GSK3B: variants seen among roughly 807,000 people sequenced by gnomAD.
The protein encoded by GSK3B is glycogen synthase kinase 3 beta.
A neutral mutation model predicts 56.4 loss-of-function variants in GSK3B; 15 were observed. That is an observed-to-expected ratio of 0.27 (90% CI 0.18 to 0.41). GSK3B has a LOEUF of 0.41. GSK3B is among the 10% of genes least tolerant of loss of function. GSK3B has a pLI of 1.00. For synonymous variants in GSK3B, 181 were observed against 188.9 expected (o/e 0.96, Z 0.34); for missense variants, 300 against 513.4 (o/e 0.58, Z 4.02).
intron 1 of GSK3B, among the ~76,000 whole-genome samples, chr3:120,044,317 G>A (rs2058086124): frequency 6.6e-6 from 1 of 152,120 alleles, no homozygotes; most frequent in Non-Finnish European, 1.5e-5. Flanking sequence ...AGTGAGCTTA[G>A]GCCCTTCCAA....
At position 119,922,228 on chromosome 3, in the gene GSK3B, G is replaced by GGGAGGGAAGGAAGGAA. The variant is rs1406341579; in HGVS notation, c.477+1144_477+1145insTTCCTTCCTTCCCTCC. On this transcript the variant is annotated intron_variant, in intron 4 of 10. Coordinates refer to ENST00000264235, the MANE Select transcript of GSK3B (RefSeq NM_001146156.2). ...AAGGAGGGAAGGAAGGAAGGAAGGA[G>GGGAGGGAAGGAAGGAA]GGAAGGAAGGAAGGAAGGAAGGAAG... Among the ~76,000 whole-genome samples the GGGAGGGAAGGAAGGAA allele has an allele frequency of 1.8e-3, 113 of 61,464 alleles. 2 individuals carry two copies. The highest frequency in any genetic ancestry group is 9.4e-3 in the African/African-American group (105 of 11,168). 40.3% of individuals were successfully genotyped at this position (61,464 alleles called of 152,430 possible). A position where few individuals can be genotyped will look rare whatever the true frequency, so the allele number is the denominator to read the frequency against.
chr3:120,010,930 C>T (rs1049940685), intron 1 of GSK3B, among the ~76,000 whole-genome samples: 2 of 152,116 alleles, frequency 1.3e-5, no homozygotes, highest in African/African-American at 4.8e-5. Flanking sequence ...TAGCCAAACA[C>T]AGTGATGCAC....
intron 1 of GSK3B, among the ~76,000 whole-genome samples, chr3:120,074,823 T>G (rs1216390984): frequency 6.6e-6 from 1 of 152,196 alleles, no homozygotes; most frequent in Non-Finnish European, 1.5e-5. Flanking sequence ...CACAGCTTAA[T>G]TCTACCAAAC....
intron 1 of GSK3B, among the ~76,000 whole-genome samples, chr3:120,066,477 T>C (rs1363364962): frequency 6.6e-6 from 1 of 152,130 alleles, no homozygotes; most frequent in African/African-American, 2.4e-5. Flanking sequence ...TACTCAAAAC[T>C]GGGGGTTCAT....
At chr3:119,933,045 C>G (rs1398347672) in intron 3 of GSK3B, among the ~76,000 whole-genome samples, 1 of 152,046 alleles carries the variant, frequency 6.6e-6, no homozygotes, top group Non-Finnish European at 1.5e-5. Context: ...TTGCAGTGAT[C>G]GAAATCATGC....
chr3:119,911,784 T>C (rs755046196), intron 6 of GSK3B, among the ~76,000 whole-genome samples: 4 of 152,154 alleles, frequency 2.6e-5, no homozygotes, highest in Non-Finnish European at 5.9e-5. Flanking sequence ...TCTGCTACCT[T>C]CAGATTTTTC....
chr3:119,926,342 ACACACACACACACC>A (rs1436401149), intron 3 of GSK3B, among the ~76,000 whole-genome samples: 4 of 151,078 alleles, frequency 2.6e-5, no homozygotes, highest in African/African-American at 7.4e-5. Flanking sequence ...ACACACACAC[ACACACACACACACC>A]CCTATACCCA....
At chr3:119,965,458 C>T (rs1005610688) in intron 2 of GSK3B, among the ~76,000 whole-genome samples, 1 of 151,532 alleles carries the variant, frequency 6.6e-6, no homozygotes, top group African/African-American at 2.4e-5. Flanking sequence ...GCAATCCTCC[C>T]GCTTTGGCCT....
At chr3:119,918,187 G>A (rs899945411) in intron 4 of GSK3B, among the ~76,000 whole-genome samples, 7 of 151,870 alleles carry the variant, frequency 4.6e-5, no homozygotes, top group African/African-American at 1.5e-4. Context: ...TAGCTTGGTG[G>A]AGGCCGGGCG....
At chr3:119,891,091 T>C (rs942275246) in intron 7 of GSK3B, among the ~76,000 whole-genome samples, 1 of 151,788 alleles carries the variant, frequency 6.6e-6, no homozygotes, top group Admixed American at 6.6e-5. Flanking sequence ...GTATAGGTAA[T>C]GTGTGAGGTG....
intron 1 of GSK3B, among the ~76,000 whole-genome samples, chr3:120,057,358 G>T (rs2058199652): frequency 1.3e-5 from 2 of 151,904 alleles, no homozygotes; most frequent in Admixed American, 6.6e-5. Context: ...CAGCAAAATG[G>T]GTCAAAAATC....
intron 1 of GSK3B, among the ~76,000 whole-genome samples, chr3:120,044,483 G>GAA (rs527615536): frequency 5.6e-5 from 8 of 142,260 alleles, no homozygotes; most frequent in Admixed American, 1.4e-4. Context: ...ATCAAGCAGA[G>GAA]AAAAAAAAAA....
At chr3:119,908,027 G>A (rs1383201284) in intron 6 of GSK3B, among the ~76,000 whole-genome samples, 1 of 152,150 alleles carries the variant, frequency 6.6e-6, no homozygotes, top group Non-Finnish European at 1.5e-5. Flanking sequence ...AATCTTGTCA[G>A]AAACAGTTAC....
At chr3:120,044,929 A>G (rs546224344) in intron 1 of GSK3B, among the ~76,000 whole-genome samples, 52 of 152,366 alleles carry the variant, frequency 3.4e-4, no homozygotes, top group Non-Finnish European at 6.3e-4. Flanking sequence ...CAATGAATTA[A>G]CTAGAATCAA....
chr3:119,951,463 C>T (rs779842344), intron 2 of GSK3B, among the ~76,000 whole-genome samples: 16 of 152,084 alleles, frequency 1.1e-4, no homozygotes, highest in East Asian at 1.9e-4. Flanking sequence ...CCCAGATACT[C>T]GGGAGGCTGA....
intron 1 of GSK3B, chr3:120,041,680 C>T (rs2058065817): frequency 6.6e-6 from 1 of 152,280 alleles, no homozygotes; most frequent in African/African-American, 2.4e-5. Context: ...AGAAAGCACA[C>T]ATGTTTAGAT....
chr3:119,954,441 A>G (rs1214018320), intron 2 of GSK3B, among the ~76,000 whole-genome samples: 2 of 152,168 alleles, frequency 1.3e-5, no homozygotes, highest in African/African-American at 2.4e-5. Flanking sequence ...TTTTCTGTGC[A>G]TCGGGCTGCA....
chr3:120,080,561 T>C (rs1313253578), intron 1 of GSK3B, among the ~76,000 whole-genome samples: 1 of 152,186 alleles, frequency 6.6e-6, no homozygotes, highest in Non-Finnish European at 1.5e-5. Context: ...CCAGGTGCAG[T>C]GGCTCATGCC....
intron 1 of GSK3B, among the ~76,000 whole-genome samples, chr3:120,035,470 A>C (rs2107526211): frequency 6.6e-6 from 1 of 152,366 alleles, no homozygotes; most frequent in Non-Finnish European, 1.5e-5. Context: ...GAATTTTAGG[A>C]TCAGTTTATC....
Sources: gnomAD v4.1 joint callset for allele counts (sites outside exome capture counted in the v4.1 genomes callset) on GRCh38, gnomAD v4.1.1 for gene constraint, MANE v1.5 for transcripts, NCBI Gene and HGNC (gene_info 2026-07-23, HGNC 2026-07-21) for gene names.